Variants in RBM44 observed in about 807,000 individuals in gnomAD.
RBM44 encodes the protein RNA binding motif protein 44, also known as RNA-binding protein 44.
A neutral mutation model predicts 105.1 loss-of-function variants in RBM44; 66 were observed. The ratio of observed to expected loss-of-function variants is 0.63; its 90% confidence interval spans 0.52 to 0.77. The LOEUF (loss-of-function observed/expected upper bound fraction) is 0.77. RBM44 is among the 30% of genes least tolerant of loss of function. RBM44 has a pLI of 0.00. For missense variants in RBM44, 1,122 were observed against 1,207.8 expected (o/e 0.93, Z 1.05); for synonymous variants, 365 against 417.6 (o/e 0.87, Z 1.54).
intron 8 of RBM44, among the ~76,000 whole-genome samples, chr2:237,822,298 T>C (rs1283458308): frequency 6.6e-6 from 1 of 152,116 alleles, no homozygotes; most frequent in African/African-American, 2.4e-5. Flanking sequence ...ATGCCTGTCA[T>C]AGGTTTTCTT....
chr2:237,799,949 T>C (rs1303151744), intron 1 of RBM44, among the ~76,000 whole-genome samples: 2 of 152,094 alleles, frequency 1.3e-5, no homozygotes, highest in Admixed American at 6.5e-5. Flanking sequence ...CTGGAGGAAA[T>C]AGTTCGGTAA....
Position 237,840,187 on chromosome 2 carries a change from C to CAAA in RBM44, c.*23-1631_*23-1629dup, listed in dbSNP as rs34666443. Among the ~76,000 whole-genome samples the CAAA allele has an allele frequency of 9.4e-3, 609 of 64,800 alleles. 14 individuals are homozygous for CAAA. Among genetic ancestry groups the CAAA allele is most frequent in the African/African-American group, 0.021 (333 of 15,970 alleles). 42.5% of individuals were successfully genotyped at this position (64,800 alleles called of 152,430 possible). On this transcript the variant is annotated intron_variant, in intron 15 of 15. Transcript: ENST00000316997. ...TGGGTGATAGAGCAAGACTCTATCT[C>CAAA]AAAAAAAAAAAAAAAAAAAAAAAGG...
rs2062011310 is a variant in RBM44, at chr2:237,841,490, A to C, written c.*23-349A>C. Among the ~76,000 whole-genome samples, 1 of 152,206 alleles carries C rather than the reference A, an allele frequency of 6.6e-6. No homozygotes were observed. The highest frequency in any genetic ancestry group is 1.5e-5 in the Non-Finnish European group (1 of 68,028). The stretch of plus-strand genomic sequence containing the variant: ...ACCACGCTTATTACCTGGATGATGA[A>C]ATAATCTATACACTAAACCCTGCAA... On this transcript the variant is annotated intron_variant, in intron 15 of 15. Coordinates refer to ENST00000316997, the MANE Select transcript of RBM44 (RefSeq NM_001080504.3). The surrounding 1 kb of genome is among the most constrained non-coding windows in gnomAD (Gnocchi z 4.5).
rs775730365 is a variant in RBM44 at position 237,820,272 on chromosome 2, AATGTTCACTAT to A, written c.1835_1845del (p.Asn612ThrfsTer9). Reference sequence around the variant, plus strand: ...CATAAAAGCAGAGCTGCACCTTTTAAATGTTCACTATCAGATGTGTCGTCGCCATTGTTGTG... The same window carrying A: ...CATAAAAGCAGAGCTGCACCTTTTAACAGATGTGTCGTCGCCATTGTTGTG... On this transcript the variant is annotated frameshift_variant, in exon 5 of 16. Coordinates refer to ENST00000316997, the MANE Select transcript of RBM44 (RefSeq NM_001080504.3). LOFTEE classifies it high-confidence loss of function. 1.2e-5 allele frequency: 20 copies of A among 1,603,236 alleles called. No homozygotes were observed. The East Asian group carries it at 4.5e-4, about 36-fold the overall frequency.
rs144737525 is a variant in RBM44 at position 237,805,926 on chromosome 2, G to A, written c.-19+7065G>A. ...GCCTGGGAGGTCAAGGCTGCAGTGA[G>A]CTCTGATGGCACCACTTTACTCCAG... On this transcript the variant is annotated intron_variant, in intron 1 of 15. Transcript: ENST00000316997. 5.3e-5 allele frequency among the ~76,000 whole-genome samples: 8 copies of A among 152,274 alleles called. No individual in the cohort carries two copies. The East Asian group carries it at 1.5e-3, about 29-fold the overall frequency.
intron 2 of RBM44, among the ~76,000 whole-genome samples, chr2:237,814,169 A>T (rs2061687763): frequency 6.6e-6 from 1 of 152,210 alleles, no homozygotes; most frequent in Admixed American, 6.5e-5. Flanking sequence ...TTCTAGATTA[A>T]AACAAAAACT....
intron 13 of RBM44, among the ~76,000 whole-genome samples, chr2:237,830,901 T>A (rs2061896475): frequency 6.6e-6 from 1 of 151,796 alleles, no homozygotes; most frequent in South Asian, 2.1e-4. Flanking sequence ...TGTATACTTT[T>A]ATAATTCACC....
rs368401530 is a variant in RBM44 at position 237,803,331 on chromosome 2, T to TCACACA, written c.-19+4479_-19+4484dup. ...CACACACACACACATACTCTCTCTC[T>TCACACA]CACACACACACACATACTTTCTCTC... On this transcript the variant is annotated intron_variant, in intron 1 of 15. Coordinates refer to ENST00000316997, the MANE Select transcript of RBM44 (RefSeq NM_001080504.3). The surrounding 1 kb of genome is among the most constrained non-coding windows in gnomAD (Gnocchi z 4.2). Among the ~76,000 whole-genome samples the TCACACA allele has an allele frequency of 5.3e-5, 8 of 150,394 alleles. No individual in the cohort carries two copies. Among genetic ancestry groups the TCACACA allele is most frequent in the African/African-American group, 2.0e-4 (8 of 40,900 alleles).
chr2:237,802,988 C>T (rs1435613395), intron 1 of RBM44, among the ~76,000 whole-genome samples: 2 of 152,174 alleles, frequency 1.3e-5, no homozygotes, highest in Admixed American at 1.3e-4. Flanking sequence ...CCATTTTGGC[C>T]AGGTGCACTG....
intron 10 of RBM44, among the ~76,000 whole-genome samples, chr2:237,826,663 T>TA (rs999374313): frequency 1.3e-5 from 2 of 152,174 alleles, no homozygotes; most frequent in Non-Finnish European, 2.9e-5. Context: ...TCCACTGTTC[T>TA]AGATAGCACT....
intron 1 of RBM44, among the ~76,000 whole-genome samples, chr2:237,804,046 T>G (rs2061574146): frequency 6.6e-6 from 1 of 152,124 alleles, no homozygotes; most frequent in Admixed American, 6.5e-5. Flanking sequence ...ATTTTTGTAT[T>G]TTTAGTAGAG....
intron 1 of RBM44, among the ~76,000 whole-genome samples, chr2:237,807,340 G>T (rs182484175): frequency 7.2e-4 from 110 of 152,240 alleles, no homozygotes; most frequent in Admixed American, 2.0e-3. Flanking sequence ...AGTAGAGACG[G>T]AGTTTCACCA....
At chr2:237,812,750 G>A (rs558976940) in intron 1 of RBM44, among the ~76,000 whole-genome samples, 1 of 152,122 alleles carries the variant, frequency 6.6e-6, no homozygotes, top group Admixed American at 6.6e-5. Flanking sequence ...AAATGATTTT[G>A]TGAGTTGGCT....
intron 1 of RBM44, among the ~76,000 whole-genome samples, chr2:237,805,407 A>G (rs893283948): frequency 8.5e-5 from 13 of 152,086 alleles, no homozygotes; most frequent in African/African-American, 3.1e-4. Flanking sequence ...AAATGGCCAT[A>G]CTCCCCAAAT....
chr2:237,809,772 T>C (rs1019975954), intron 1 of RBM44, among the ~76,000 whole-genome samples: 4 of 152,158 alleles, frequency 2.6e-5, no homozygotes, highest in Non-Finnish European at 5.9e-5. Flanking sequence ...TATGTGATTT[T>C]AAATTTTCTA....
Position 237,827,494 on chromosome 2 carries a change from C to G in RBM44, c.2591C>G (p.Thr864Ser). 1 of 1,494,520 alleles carries G rather than the reference C, an allele frequency of 6.7e-7. No individual in the cohort carries two copies. The highest frequency in any genetic ancestry group is 9.1e-7 in the Non-Finnish European group (1 of 1,096,962). 92.6% of individuals were successfully genotyped at this position (1,494,520 alleles called of 1,614,324 possible). The change falls in exon 12 of 16, where the codon ACT becomes AGT. Residue 864 changes from threonine to serine, a missense_variant. Transcript: ENST00000316997. ...QVSEISIYDS[T>S]NYRYASLAFT... ...TCTGAAATTTCAATTTATGATTCTA[C>G]TAATTACAGGTGTGTTTCCCAACTT...
chr2:237,800,545 G>A (rs1395198400), intron 1 of RBM44, among the ~76,000 whole-genome samples: 2 of 152,210 alleles, frequency 1.3e-5, no homozygotes, highest in East Asian at 3.8e-4. Flanking sequence ...GCTTGAGATA[G>A]TGTTGCTCTT....
At position 237,842,017 on chromosome 2, in the gene RBM44, C is replaced by A. The variant is rs992367424; in HGVS notation, c.*201C>A. 6.6e-6 allele frequency: 1 copy of A among 151,968 alleles called. No homozygotes were observed. Among genetic ancestry groups the A allele is most frequent in the African/African-American group, 2.4e-5 (1 of 41,410 alleles). 9.4% of individuals were successfully genotyped at this position (151,968 alleles called of 1,614,324 possible). The stretch of plus-strand genomic sequence containing the variant: ...ACAGTTGTCTATACAATATTAAGAT[C>A]TTCTCTATATATTTAAAGTTAAAAT... On this transcript the variant is annotated 3_prime_UTR_variant, in exon 16 of 16. Coordinates refer to ENST00000316997, the MANE Select transcript of RBM44 (RefSeq NM_001080504.3).
rs2061564407 is a variant in RBM44, at chr2:237,803,272, C to CAG, written c.-19+4412_-19+4413dup. ...ACAGAGCGAGACACACACACACACA[C>CAG]AGTCTCTCTGTCTCTGGGTGACAGA... On this transcript the variant is annotated intron_variant, in intron 1 of 15. Transcript: ENST00000316997. The surrounding 1 kb of genome is among the most constrained non-coding windows in gnomAD (Gnocchi z 4.2). Among the ~76,000 whole-genome samples the CAG allele has an allele frequency of 6.6e-6, 1 of 151,870 alleles. No individual in the cohort carries two copies. Among genetic ancestry groups the CAG allele is most frequent in the Non-Finnish European group, 1.5e-5 (1 of 67,950 alleles).
Sources: gnomAD v4.1 joint callset for allele counts (sites outside exome capture counted in the v4.1 genomes callset) on GRCh38, gnomAD v4.1.1 for gene constraint, Gnocchi (gnomAD v3.1) non-coding constraint, MANE v1.5 for transcripts, NCBI Gene and HGNC (gene_info 2026-07-23, HGNC 2026-07-21) for gene names.